Variants in UNC5C observed in about 807,000 individuals in gnomAD.
The protein encoded by UNC5C is netrin receptor UNC5C.
Under a neutral mutation model 99.8 loss-of-function variants are expected in UNC5C, and 47 were observed. The observed-to-expected ratio is 0.47, with a 90% CI of 0.37 to 0.60. The LOEUF is 0.60. UNC5C is among the 20% of genes least tolerant of loss of function. The probability of loss-of-function intolerance (pLI) is 0.00; values close to 1 mark genes in which losing one functional copy is unlikely to be tolerated. For synonymous variants in UNC5C, 487 were observed against 452.2 expected (o/e 1.08, Z -0.98); for missense variants, 1,062 against 1,165.9 (o/e 0.91, Z 1.30).
At chr4:95,170,883 T>A (rs780347113) in intron 14 of UNC5C, among the ~76,000 whole-genome samples, 1 of 152,236 alleles carries the variant, frequency 6.6e-6, no homozygotes, top group Non-Finnish European at 1.5e-5. Flanking sequence ...CTCTAAATGA[T>A]ATCAACTTAA....
intron 7 of UNC5C, among the ~76,000 whole-genome samples, chr4:95,240,703 C>A (rs982229886): frequency 2.0e-5 from 3 of 152,172 alleles, no homozygotes; most frequent in African/African-American, 7.2e-5. Flanking sequence ...TCAATAGACA[C>A]ACACTTCATG....
chr4:95,356,433 C>T (rs1415568654), intron 1 of UNC5C, among the ~76,000 whole-genome samples: 2 of 152,090 alleles, frequency 1.3e-5, no homozygotes, highest in Non-Finnish European at 2.9e-5. Flanking sequence ...TGGGAGGCAT[C>T]AGCAAGTGGT....
chr4:95,429,442 C>T (rs1005165224), intron 1 of UNC5C, among the ~76,000 whole-genome samples: 1 of 151,862 alleles, frequency 6.6e-6, no homozygotes, highest in Non-Finnish European at 1.5e-5. Flanking sequence ...AGAACTTGAT[C>T]CAGATCAAGA....
intron 1 of UNC5C, among the ~76,000 whole-genome samples, chr4:95,509,528 C>G (rs1165071118): frequency 6.6e-6 from 1 of 151,706 alleles, no homozygotes; most frequent in Non-Finnish European, 1.5e-5. Context: ...AGCTTGACAT[C>G]CATTCTTTTA....
chr4:95,537,107 G>A (rs1419670396), intron 1 of UNC5C, among the ~76,000 whole-genome samples: 2 of 151,904 alleles, frequency 1.3e-5, no homozygotes, highest in Non-Finnish European at 2.9e-5. Flanking sequence ...AACAAATGAT[G>A]GGTTATGTGA....
chr4:95,292,236 C>CACATATATATAT, intron 3 of UNC5C, among the ~76,000 whole-genome samples: 1 of 88,744 alleles, frequency 1.1e-5, no homozygotes, highest in Non-Finnish European at 2.3e-5. Context: ...CACACACACA[C>CACATATATATAT]ATATATATAT....
intron 5 of UNC5C, among the ~76,000 whole-genome samples, 182 bp from the exon 6 acceptor site, chr4:95,245,326 A>G (rs949903450): frequency 1.3e-5 from 2 of 152,170 alleles, no homozygotes; most frequent in Non-Finnish European, 2.9e-5. Context: ...TTTATTGTAT[A>G]GACAGAGAAA....
chr4:95,355,812 C>T (rs748558171), intron 1 of UNC5C, among the ~76,000 whole-genome samples: 35 of 151,872 alleles, frequency 2.3e-4, no homozygotes, highest in Admixed American at 1.3e-3. Flanking sequence ...ACTATGTTTC[C>T]CCCAATTTTT....
At chr4:95,356,734 G>A (rs1246994851) in intron 1 of UNC5C, among the ~76,000 whole-genome samples, 1 of 152,156 alleles carries the variant, frequency 6.6e-6, no homozygotes, top group Non-Finnish European at 1.5e-5. Flanking sequence ...GAGGTCCAGA[G>A]AAATGTCTCC....
chr4:95,189,100 C>T (rs567025053), intron 12 of UNC5C, among the ~76,000 whole-genome samples: 20 of 152,296 alleles, frequency 1.3e-4, no homozygotes, highest in African/African-American at 4.6e-4. Context: ...GGATGCGGAT[C>T]ATCTGGCCTC....
At chr4:95,443,686 G>A (rs1350922055) in intron 1 of UNC5C, among the ~76,000 whole-genome samples, 1 of 152,026 alleles carries the variant, frequency 6.6e-6, no homozygotes, top group Non-Finnish European at 1.5e-5. Context: ...GATACAACAT[G>A]AAAATGATGT....
rs534128072 is a variant in UNC5C, at chr4:95,201,363, C to T, written c.2136+1368G>A. Among the ~76,000 whole-genome samples the T allele has an allele frequency of 2.6e-5, 4 of 152,286 alleles. No individual in the cohort carries two copies. The East Asian group carries it at 7.7e-4, about 29-fold the overall frequency. On this transcript the variant is annotated intron_variant, in intron 12 of 15. Coordinates refer to ENST00000453304, the MANE Select transcript of UNC5C (RefSeq NM_003728.4). ...TTTTAGGCTTGTTCTCTCCATCTCA[C>T]TCCCCTGTCATCATTCAGCTCCATC...
chr4:95,185,122 G>A lies in UNC5C; in HGVS notation c.2211C>T (p.Ser737=), dbSNP rs759675245. ...EEPKALHFKG[S]THNLRLSIHD... ...GAATTGACAGGCGCAGGTTGTGGGT[G>A]CTGCCTTTAAAATGAAGAGCCTTAG... Residue 737 remains serine (S), a synonymous_variant, in exon 13 of 16, where the codon AGC becomes AGT. Transcript: ENST00000453304. The A allele has an allele frequency of 1.2e-6, 2 of 1,614,014 alleles. No homozygotes were observed. Among genetic ancestry groups the A allele is most frequent in the Non-Finnish European group, 1.7e-6 (2 of 1,179,980 alleles).
intron 1 of UNC5C, among the ~76,000 whole-genome samples, chr4:95,464,680 G>C (rs1271081998): frequency 6.6e-6 from 1 of 152,064 alleles, no homozygotes; most frequent in East Asian, 1.9e-4. Context: ...TAACCAAAAT[G>C]GCTTTTGAGA....
intron 2 of UNC5C, among the ~76,000 whole-genome samples, chr4:95,315,884 C>T (rs1298210297): frequency 3.3e-5 from 5 of 151,952 alleles, no homozygotes; most frequent in African/African-American, 1.2e-4. Context: ...TACATAGGCT[C>T]CTAATGTCTC....
At chr4:95,525,420 T>G (rs1578209269) in intron 1 of UNC5C, among the ~76,000 whole-genome samples, 1 of 152,058 alleles carries the variant, frequency 6.6e-6, no homozygotes, top group Non-Finnish European at 1.5e-5. Context: ...TCAGTCAAGA[T>G]TTATGCTGGT....
At chr4:95,297,742 C>T (rs1489799006) in intron 3 of UNC5C, among the ~76,000 whole-genome samples, 2 of 152,206 alleles carry the variant, frequency 1.3e-5, no homozygotes, top group Non-Finnish European at 1.5e-5. Flanking sequence ...TTCTTTCTCT[C>T]ACATCACACA....
intron 1 of UNC5C, among the ~76,000 whole-genome samples, chr4:95,486,569 G>A (rs1157720527): frequency 6.6e-6 from 1 of 151,512 alleles, no homozygotes; most frequent in Non-Finnish European, 1.5e-5. Context: ...CCAAGAATGG[G>A]TGTCCATATC....
At chr4:95,172,482 T>C (rs1186298700) in intron 14 of UNC5C, among the ~76,000 whole-genome samples, 8 of 152,206 alleles carry the variant, frequency 5.3e-5, no homozygotes, top group Non-Finnish European at 1.2e-4. Context: ...CTCAGCACCA[T>C]TTATTAAATA....
Sources: gnomAD v4.1 joint callset for allele counts (sites outside exome capture counted in the v4.1 genomes callset) on GRCh38, gnomAD v4.1.1 for gene constraint, MANE v1.5 for transcripts, NCBI Gene and HGNC (gene_info 2026-07-23, HGNC 2026-07-21) for gene names.